The following VPS13D variants were observed in gnomAD, a reference collection of about 807,000 sequenced individuals.
VPS13D encodes vacuolar protein sorting 13 homolog D.
In VPS13D, 187 loss-of-function variants were observed where a neutral mutation model predicts 461.9. The observed-to-expected ratio is 0.40, with a 90% CI of 0.36 to 0.46. VPS13D has a LOEUF of 0.46. VPS13D is among the 20% of genes least tolerant of loss of function. VPS13D has a pLI of 0.60. For missense variants in VPS13D, 4,711 were observed against 5,364.9 expected (o/e 0.88, Z 3.81); for synonymous variants, 1,951 against 1,986.3 (o/e 0.98, Z 0.47).
chr1:12,440,707 C>T (rs1645119194), intron 65 of VPS13D, among the ~76,000 whole-genome samples: 1 of 152,070 alleles, frequency 6.6e-6, no homozygotes, highest in South Asian at 2.1e-4. Flanking sequence ...AAAACCTCAT[C>T]TCTACTGAAA....
chr1:12,295,147 C>T (rs1320824238), intron 24 of VPS13D, among the ~76,000 whole-genome samples: 1 of 149,862 alleles, frequency 6.7e-6, no homozygotes, highest in African/African-American at 2.5e-5. Context: ...TGGCTTGAGC[C>T]CAGGAGGTGG....
chr1:12,397,430 T>TA (rs1644514143), intron 60 of VPS13D, among the ~76,000 whole-genome samples: 2 of 152,248 alleles, frequency 1.3e-5, no homozygotes, highest in African/African-American at 4.8e-5. Flanking sequence ...AATTCTCAGT[T>TA]ACGACGCCTT....
At chr1:12,395,248 C>T (rs1437723851) in intron 60 of VPS13D, among the ~76,000 whole-genome samples, 1 of 152,182 alleles carries the variant, frequency 6.6e-6, no homozygotes, top group Non-Finnish European at 1.5e-5. Flanking sequence ...GATGTTGCCA[C>T]TACTGGGGAT....
intron 60 of VPS13D, among the ~76,000 whole-genome samples, chr1:12,391,157 T>C (rs536416188): frequency 2.0e-5 from 3 of 152,332 alleles, no homozygotes; most frequent in South Asian, 4.1e-4. Flanking sequence ...CCATTTCTTC[T>C]TCCATGCAAA....
At chr1:12,263,291 G>A (rs1426512504) in intron 13 of VPS13D, among the ~76,000 whole-genome samples, 1 of 152,166 alleles carries the variant, frequency 6.6e-6, no homozygotes, top group Non-Finnish European at 1.5e-5. Flanking sequence ...GAAGACCATG[G>A]GAGGGATGCT....
At chr1:12,378,738 G>GAC in intron 56 of VPS13D, 147 bp downstream of exon 56, 5 of 826,922 alleles carry the variant, frequency 6.0e-6, no homozygotes, top group Non-Finnish European at 6.9e-6. Context: ...TCCCAAATAT[G>GAC]AGTATTGGGC....
intron 24 of VPS13D, among the ~76,000 whole-genome samples, chr1:12,295,360 G>A (rs1219955631): frequency 6.6e-6 from 1 of 151,952 alleles, no homozygotes; most frequent in African/African-American, 2.4e-5. Context: ...TATTGATTTG[G>A]TACAGTAGCA....
intron 38 of VPS13D, among the ~76,000 whole-genome samples, chr1:12,334,518 G>A (rs1643403630): frequency 6.6e-6 from 1 of 152,218 alleles, no homozygotes; most frequent in Admixed American, 6.5e-5. Context: ...TGTTAACCCA[G>A]TTCTTCGAGA....
rs760110605 is a variant in VPS13D at position 12,321,954 on chromosome 1, C to T, written c.7694C>T (p.Pro2565Leu). 1 of 1,613,516 alleles carries T rather than the reference C, an allele frequency of 6.2e-7. No individual in the cohort carries two copies. The highest frequency in any genetic ancestry group is 8.5e-7 in the Non-Finnish European group (1 of 1,179,758). ...GCATTCAATAGTGAAGATTTCCCACCTGTCCTGGAGGTAATGATGCAAAAT... is the reference window on the plus strand; with the variant it reads ...GCATTCAATAGTGAAGATTTCCCACTTGTCCTGGAGGTAATGATGCAAAAT... ...MDAFNSEDFPPVLEIQLQALD... is the reference protein window; with the variant it reads ...MDAFNSEDFPLVLEIQLQALD... Residue 2565 changes from proline (P) to leucine (L), a missense_variant, in exon 33 of 70, where the codon CCT becomes CTT. Transcript: ENST00000620676.
Position 12,378,592 on chromosome 1 carries a change from G to A in VPS13D, c.11081+1G>A. 6.5e-7 allele frequency: 1 copy of A among 1,540,996 alleles called. No individual in the cohort carries two copies. The highest frequency in any genetic ancestry group is 8.8e-7 in the Non-Finnish European group (1 of 1,141,588). ...GTCTCGCTGCAGTGACTGACAACAGGTAATTTTCTAGGCAACTTTTGATTC... is the reference window on the plus strand; with the variant it reads ...GTCTCGCTGCAGTGACTGACAACAGATAATTTTCTAGGCAACTTTTGATTC... On this transcript the variant is annotated splice_donor_variant, in intron 56 of 69. Transcript: ENST00000620676. LOFTEE classifies it high-confidence loss of function.
rs941106294 is a variant in VPS13D, at chr1:12,379,581, T to A, written c.11175T>A (p.His3725Gln). Residue 3725 changes from histidine to glutamine, a missense_variant, in exon 57 of 70, where the codon CAT becomes CAA. By Grantham distance (24) the His-to-Gln change is conservative (BLOSUM62 0). Around this residue, in one of 3 missense-constraint regions of VPS13D, gnomAD observed 4,411 missense variants for 4,937.8 expected, o/e 0.89. Coordinates refer to ENST00000620676, the MANE Select transcript of VPS13D (RefSeq NM_015378.4). Reference sequence around the variant, plus strand: ...AAGGAAAACTGACCTGTGGGTTACATGGGTTGGTCGTCCAGGTCAGTCGTT... The same window carrying A: ...AAGGAAAACTGACCTGTGGGTTACAAGGGTTGGTCGTCCAGGTCAGTCGTT... ...FREGKLTCGL[H>Q]GLVVQAKGGL... The A allele has an allele frequency of 6.2e-7, 1 of 1,613,380 alleles. No homozygotes were observed. The highest frequency in any genetic ancestry group is 1.3e-5 in the African/African-American group (1 of 74,996).
In VPS13D at chr1:12,505,846, A is replaced by G. The variant is rs780441639; in HGVS notation, c.12795-1007A>G. ...GTCCTGCACGGACCCCAAGTGAGCG[A>G]GGGCCCGGCAGCCTGCTCCCCTCGA... On this transcript the variant is annotated intron_variant, in intron 68 of 69. Coordinates refer to ENST00000620676, the MANE Select transcript of VPS13D (RefSeq NM_015378.4). This position sits in a 1 kb window ranked among gnomAD's most constrained non-coding sequence, Gnocchi z 4.2. 1.3e-5 allele frequency among the ~76,000 whole-genome samples: 2 copies of G among 152,196 alleles called. No homozygotes were observed. Among genetic ancestry groups the G allele is most frequent in the Non-Finnish European group, 2.9e-5 (2 of 68,028 alleles).
At chr1:12,411,005 C>A (rs1644719403) in intron 63 of VPS13D, among the ~76,000 whole-genome samples, 1 of 152,194 alleles carries the variant, frequency 6.6e-6, no homozygotes, top group South Asian at 2.1e-4. Context: ...CAACAAACAT[C>A]ATACTAATTG....
rs200770440 is a variant in VPS13D at position 12,416,691 on chromosome 1, G to T, written c.12197G>T (p.Gly4066Val). ...CTCAGCCAGGCAGCTCGAATCCTGGGATCAGTGGATTTTCTTGGCAATCCT... is the reference window on the plus strand; with the variant it reads ...CTCAGCCAGGCAGCTCGAATCCTGGTATCAGTGGATTTTCTTGGCAATCCT... ...ELLSQAARIL[G>V]SVDFLGNPMG... The change falls in exon 65 of 70, where the codon GGA (glycine) becomes GTA (valine). Residue 4066 changes from glycine to valine, a missense_variant. Coordinates refer to ENST00000620676, the MANE Select transcript of VPS13D (RefSeq NM_015378.4). 118 of 1,613,946 alleles carry T rather than the reference G, an allele frequency of 7.3e-5. No homozygotes were observed. Among genetic ancestry groups the T allele is most frequent in the Non-Finnish European group, 6.8e-6 (8 of 1,179,982 alleles).
At chr1:12,368,645 G>T in intron 53 of VPS13D, 54 bp downstream of exon 53, 2 of 1,585,422 alleles carry the variant, frequency 1.3e-6, no homozygotes, top group Non-Finnish European at 1.7e-6. Context: ...GGAGGGTGGA[G>T]TGTGTACTGC....
At chr1:12,404,055 T>TTG (rs1234465762) in intron 63 of VPS13D, 82 bp downstream of exon 63, 41 of 1,343,666 alleles carry the variant, frequency 3.1e-5, no homozygotes, top group South Asian at 1.0e-4. Flanking sequence ...TTGTTTGTTG[T>TTG]TGTGTGTGTG....
intron 60 of VPS13D, among the ~76,000 whole-genome samples, chr1:12,399,198 A>AT (rs887369242): frequency 0.019 from 2,641 of 141,434 alleles, 45 homozygotes; most frequent in African/African-American, 0.052. Flanking sequence ...CAAATAGTTG[A>AT]TTTTTTTTTT....
rs371859275 is a variant in VPS13D, at chr1:12,293,501, C to T, written c.5853-23C>T. On this transcript the variant is annotated intron_variant, in intron 23 of 69. Transcript: ENST00000620676. Reference sequence around the variant, plus strand: ...ACTTGTGTCTTGCTGTTATCTGAGTCACACTTTTATCCTAATTTTTAGATA... The same window carrying T: ...ACTTGTGTCTTGCTGTTATCTGAGTTACACTTTTATCCTAATTTTTAGATA... 3 of 1,561,866 alleles carry T rather than the reference C, an allele frequency of 1.9e-6. No homozygotes were observed. The African/African-American group carries it at 4.1e-5, about 21-fold the overall frequency.
chr1:12,400,237 G>A lies in VPS13D; in HGVS notation c.11691G>A (p.Leu3897=), dbSNP rs1379308265. 6.2e-7 allele frequency: 1 copy of A among 1,614,122 alleles called. No homozygotes were observed. The highest frequency in any genetic ancestry group is 8.5e-7 in the Non-Finnish European group (1 of 1,180,028). Residue 3897 remains leucine, a synonymous_variant, in exon 61 of 70, where the codon CTG becomes CTA. Transcript: ENST00000620676. ...TQPFMLYVTP[L]SNENEVIETG... is the part of the protein sequence containing the mutation. ...CCTTCATGCTCTATGTGACTCCCCT[G>A]AGCAATGAGAATGAGGTCATCGAGA...
Sources: gnomAD v4.1 joint callset for allele counts (sites outside exome capture counted in the v4.1 genomes callset) on GRCh38, gnomAD v4.1.1 for gene constraint, gnomAD v4.1.1 regional missense constraint, Gnocchi (gnomAD v3.1) non-coding constraint, MANE v1.5 for transcripts, NCBI Gene and HGNC (gene_info 2026-07-23, HGNC 2026-07-21) for gene names.